Variants in ANKS3 observed in about 807,000 individuals in gnomAD.
The protein encoded by ANKS3 is ankyrin repeat and SAM domain-containing protein 3.
ANKS3 carries 62 observed loss-of-function variants against 80.7 expected under a neutral mutation model. The observed-to-expected ratio is 0.77, with a 90% CI of 0.63 to 0.95. ANKS3 has a LOEUF of 0.95. Among genes scored for constraint, ANKS3 ranks in the 40% least tolerant of loss-of-function variants. ANKS3 has a pLI of 0.00. For missense variants in ANKS3, 1,150 were observed against 883.6 expected, an observed-to-expected ratio of 1.30 and a Z score of -3.82; for synonymous variants, 489 against 355.3, an observed-to-expected ratio of 1.38 and a Z score of -4.23.
chr16:4,726,953 T>TG, intron 4 of ANKS3, 26 bp downstream of exon 4: 1 of 1,613,434 alleles, frequency 6.2e-7, no homozygotes, highest in South Asian at 1.1e-5. Flanking sequence ...CTCAGGTTTC[T>TG]GGGCCTGAGT....
At chr16:4,712,575 C>T (rs986489928) in intron 7 of ANKS3, among the ~76,000 whole-genome samples, 2 of 152,136 alleles carry the variant, frequency 1.3e-5, no homozygotes, top group African/African-American at 4.8e-5. Flanking sequence ...TATGAAAATT[C>T]ACCATCGTCT....
Position 4,699,228 on chromosome 16 carries a change from G to C in ANKS3, c.1285-52C>G, listed in dbSNP as rs1188352560. 1.9e-6 allele frequency: 3 copies of C among 1,598,892 alleles called. No individual in the cohort carries two copies. The African/African-American group carries it at 4.0e-5, about 21-fold the overall frequency. On this transcript the variant is annotated intron_variant, in intron 11 of 17. Transcript: ENST00000304283. ...GGAGGTAGTGGCTGACGACGAAGCA[G>C]AGACGTTTTCCTCCACTCGGAGCCC...
intron 9 of ANKS3, chr16:4,701,810 G>C (rs1016018328): frequency 9.9e-5 from 50 of 502,774 alleles, no homozygotes; most frequent in African/African-American, 8.6e-4. Flanking sequence ...GCTGCACGGA[G>C]GTGCAGTTAT....
rs758910790 is a variant in ANKS3 at position 4,714,089 on chromosome 16, T to C, written c.671A>G (p.Tyr224Cys). ...GAGGCTCTTGGGCAGAGAGGGCGAG[T>C]AAGTGTCCATCAAGGCCACGATCTT... ...HMKIVALMDT[Y>C]SPSLPKSLYR... The change falls in exon 7 of 18, where the codon TAC (tyrosine) becomes TGC (cysteine). Residue 224 changes from tyrosine (Y) to cysteine (C), a missense_variant. Tyr to Cys is a radical substitution (Grantham distance 194, BLOSUM62 -2). Transcript: ENST00000304283. 2.5e-6 allele frequency: 4 copies of C among 1,613,910 alleles called. No individual in the cohort carries two copies. The highest frequency in any genetic ancestry group is 3.4e-6 in the Non-Finnish European group (4 of 1,179,966).
At chr16:4,719,764 A>T (rs2080991261) in intron 6 of ANKS3, among the ~76,000 whole-genome samples, 1 of 152,120 alleles carries the variant, frequency 6.6e-6, no homozygotes, top group South Asian at 2.1e-4. Context: ...AGGCCACTGC[A>T]CTCTAGTGTG....
intron 14 of ANKS3, 136 bp from the exon 15 acceptor site, chr16:4,698,198 A>C: frequency 8.6e-7 from 1 of 1,167,896 alleles, no homozygotes; most frequent in South Asian, 1.5e-5. Context: ...CCAGTGCCCC[A>C]TGAGGCTGCA....
intron 8 of ANKS3, among the ~76,000 whole-genome samples, chr16:4,703,392 G>T (rs893294002): frequency 6.6e-6 from 1 of 151,782 alleles, no homozygotes; most frequent in South Asian, 2.1e-4. Context: ...TGGGATTACA[G>T]GTATAAGCCA....
At chr16:4,706,811 T>C (rs2080219394) in intron 7 of ANKS3, among the ~76,000 whole-genome samples, 1 of 152,218 alleles carries the variant, frequency 6.6e-6, no homozygotes, top group Non-Finnish European at 1.5e-5. Context: ...CCACCTGAGC[T>C]GTGTTTATTA....
intron 5 of ANKS3, among the ~76,000 whole-genome samples, chr16:4,725,921 G>C (rs559804501): frequency 6.6e-6 from 1 of 151,338 alleles, no homozygotes; most frequent in East Asian, 1.9e-4. Context: ...GCCTCCCAGA[G>C]TGCTAGGATT....
chr16:4,713,560 T>C (rs756363239), intron 7 of ANKS3, among the ~76,000 whole-genome samples: 5 of 151,964 alleles, frequency 3.3e-5, no homozygotes, highest in Admixed American at 6.6e-5. Context: ...TGAAGAAAAA[T>C]TTAAAACCCT....
chr16:4,722,415 C>T (rs2081150168), intron 6 of ANKS3, among the ~76,000 whole-genome samples: 2 of 151,700 alleles, frequency 1.3e-5, no homozygotes, highest in African/African-American at 2.4e-5. Context: ...CTTGTCTCTA[C>T]TAAAAATACA....
rs770311449 is a variant in ANKS3 at position 4,701,559 on chromosome 16, CAG to C, written c.1010-18_1010-17del. The stretch of plus-strand genomic sequence containing the variant: ...GCATGTTCCTCTGAGGGCGGGAAGA[CAG>C]GGCGTCCGCCTGCAGCCCTCACCGA... On this transcript the variant is annotated splice_polypyrimidine_tract_variant and intron_variant, in intron 9 of 17. Coordinates refer to ENST00000304283, the MANE Select transcript of ANKS3 (RefSeq NM_133450.4). 12 of 1,599,770 alleles carry C rather than the reference CAG, an allele frequency of 7.5e-6. No homozygotes were observed. In the South Asian group the frequency reaches 1.1e-4, roughly 15 times the overall value.
intron 6 of ANKS3, among the ~76,000 whole-genome samples, chr16:4,719,881 T>C (rs2080997655): frequency 6.6e-6 from 1 of 151,936 alleles, no homozygotes; most frequent in African/African-American, 2.4e-5. Flanking sequence ...TCTAACATCC[T>C]GGCCAGGCAC....
At chr16:4,713,223 G>A (rs1389995761) in intron 7 of ANKS3, among the ~76,000 whole-genome samples, 2 of 151,924 alleles carry the variant, frequency 1.3e-5, no homozygotes, top group African/African-American at 2.4e-5. Context: ...AGGCAAGATC[G>A]CTTCATTGCA....
At chr16:4,728,809 C>T (rs142032247) in intron 3 of ANKS3, among the ~76,000 whole-genome samples, 9 of 152,296 alleles carry the variant, frequency 5.9e-5, no homozygotes, top group South Asian at 4.1e-4. Flanking sequence ...TTTGAGGGGC[C>T]GTACTGACTG....
intron 5 of ANKS3, among the ~76,000 whole-genome samples, chr16:4,726,150 G>GT (rs2081340903): frequency 6.7e-6 from 1 of 149,860 alleles, no homozygotes; most frequent in Non-Finnish European, 1.5e-5. Context: ...TAATTTTTTC[G>GT]TATTTTTAGT....
intron 5 of ANKS3, 51 bp downstream of exon 5, chr16:4,726,608 G>A (rs777714655): frequency 1.3e-6 from 2 of 1,586,460 alleles, no homozygotes; most frequent in East Asian, 2.3e-5. Context: ...CCTCCTTAGA[G>A]TCAGATGACA....
chr16:4,708,831 C>G (rs539999672), intron 7 of ANKS3, among the ~76,000 whole-genome samples: 18 of 151,176 alleles, frequency 1.2e-4, no homozygotes, highest in East Asian at 5.8e-4. Flanking sequence ...CCCAGCTACT[C>G]AAAAGGCTGA....
At chr16:4,732,820 A>G (rs1289768117) in intron 1 of ANKS3, among the ~76,000 whole-genome samples, 1 of 152,064 alleles carries the variant, frequency 6.6e-6, no homozygotes, top group East Asian at 1.9e-4. Context: ...AATGCTAAGT[A>G]TCTGTTACCT....
Sources: allele counts gnomAD v4.1 joint callset (sites outside exome capture counted in the v4.1 genomes callset), GRCh38; gene constraint gnomAD v4.1.1; transcripts MANE v1.5; gene names NCBI Gene and HGNC (gene_info 2026-07-23, HGNC 2026-07-21).